Variants in SPTAN1 observed in about 807,000 individuals in gnomAD.
SPTAN1 encodes spectrin alpha chain, non-erythrocytic 1.
Under a neutral mutation model 331.3 loss-of-function variants are expected in SPTAN1, and 61 were observed. The ratio of observed to expected loss-of-function variants is 0.18; its 90% CI spans 0.15 to 0.23. The LOEUF is 0.23. SPTAN1 is among the 10% of genes least tolerant of loss of function. The pLI, the probability that SPTAN1 is intolerant of heterozygous loss-of-function variation, is 1.00. For missense variants in SPTAN1, 2,043 were observed against 3,147.9 expected, an observed-to-expected ratio of 0.65 and a Z score of 8.40; for synonymous variants, 1,153 against 1,173.9, an observed-to-expected ratio of 0.98 and a Z score of 0.36.
intron 1 of SPTAN1, among the ~76,000 whole-genome samples, chr9:128,555,624 T>TCCG (rs1848550444): frequency 4.7e-5 from 1 of 21,280 alleles, no homozygotes; most frequent in African/African-American, 8.1e-5. Flanking sequence ...CAAAGCCTTT[T>TCCG]TTTTTTTTTT....
chr9:128,624,685 T>C (rs1858464759), intron 46 of SPTAN1, 198 bp downstream of exon 46: 1 of 650,576 alleles, frequency 1.5e-6, no homozygotes, highest in African/African-American at 1.8e-5. Flanking sequence ...GGAACTGGGC[T>C]GGCACCAGGG....
At position 128,625,034 on chromosome 9, in the gene SPTAN1, T is replaced by G. The variant is rs1446319395; in HGVS notation, c.5993-69T>G. 3 of 1,464,084 alleles carry G rather than the reference T, an allele frequency of 2.0e-6. No homozygotes were observed. The highest frequency in any genetic ancestry group is 2.9e-6 in the Non-Finnish European group (3 of 1,044,162). 90.7% of individuals were successfully genotyped at this position (1,464,084 alleles called of 1,614,324 possible). ...ACACAAAAAATGGTTTGTCTGGGTT[T>G]TGATGTTTTTCCTTTCTAATCCATC... is the stretch of plus-strand genomic sequence containing the variant. On this transcript the variant is annotated intron_variant, in intron 46 of 56. Coordinates refer to ENST00000372739, the MANE Select transcript of SPTAN1 (RefSeq NM_001130438.3). The surrounding 1 kb of genome is among the most constrained non-coding windows in gnomAD (Gnocchi z 4.1).
In SPTAN1 at chr9:128,574,700, A is replaced by G; in HGVS notation, c.389A>G (p.Gln130Arg). 6.2e-7 allele frequency: 1 copy of G among 1,614,234 alleles called. No individual in the cohort carries two copies. Among genetic ancestry groups the G allele is most frequent in the East Asian group, 2.2e-5 (1 of 44,894 alleles). Residue 130 changes from glutamine (Q) to arginine (R), a missense_variant, in exon 4 of 57, where the codon CAG becomes CGG. Gln to Arg is a conservative substitution (Grantham distance 43). Transcript: ENST00000372739. ...ACCCGTTTGATGGAGCTGCACCGCC[A>G]GTGGGAATTACTTTTGGAGAAGATG... ...IRTRLMELHRQWELLLEKMRE... is the reference protein window; with the variant it reads ...IRTRLMELHRRWELLLEKMRE...
chr9:128,591,658 G>T (rs1322784639), intron 22 of SPTAN1, 33 bp downstream of exon 22: 8 of 1,612,320 alleles, frequency 5.0e-6, no homozygotes, highest in Non-Finnish European at 6.8e-6. Context: ...CAAGGGCTAG[G>T]CGTCCCATAG....
chr9:128,627,938 G>C lies in SPTAN1; in HGVS notation c.6703G>C (p.Asp2235His). The change falls in exon 51 of 57, where the codon GAT (aspartate) becomes CAT (histidine). Residue 2235 changes from aspartate to histidine, a missense_variant. This residue lies in a region of SPTAN1 where 256 missense variants were observed against 376.4 expected (regional missense o/e 0.68). Transcript: ENST00000372739. This position sits in a 1 kb window ranked among gnomAD's most constrained non-coding sequence, Gnocchi z 4.9. ...WIQETRTYLL[D>H]GSCMVEESGT... ...TGCTCTCCACAGGACATACCTCCTC[G>C]ATGGGTTAATATTGTTTTCTTCCTT... 1.2e-6 allele frequency: 2 copies of C among 1,614,132 alleles called. No homozygotes were observed. Among genetic ancestry groups the C allele is most frequent in the Non-Finnish European group, 1.7e-6 (2 of 1,180,014 alleles).
chr9:128,593,376 A>G (rs1853791981), intron 23 of SPTAN1: 2 of 374,048 alleles, frequency 5.3e-6, no homozygotes, highest in South Asian at 5.8e-5. Flanking sequence ...GAAGGAAATC[A>G]TATGCTTCTC....
chr9:128,573,989 G>A (rs1452950083), intron 3 of SPTAN1, among the ~76,000 whole-genome samples: 1 of 151,600 alleles, frequency 6.6e-6, no homozygotes, highest in East Asian at 1.9e-4. Flanking sequence ...TCCTGACCTC[G>A]TGCTCTGCCC....
intron 24 of SPTAN1, chr9:128,595,819 T>G (rs1854197773): frequency 6.6e-6 from 1 of 152,160 alleles, no homozygotes; most frequent in South Asian, 2.1e-4. Flanking sequence ...TTTTTGTGAC[T>G]GGCTTCTTTT....
At chr9:128,604,283 AGG>A in intron 28 of SPTAN1, 41 bp from the exon 29 acceptor site, 1 of 1,590,268 alleles carries the variant, frequency 6.3e-7, no homozygotes, top group Non-Finnish European at 8.6e-7. Flanking sequence ...GGGGCATGAC[AGG>A]AGAGGGAGTG....
intron 1 of SPTAN1, 57 bp from the exon 2 acceptor site, chr9:128,566,681 C>G: frequency 6.2e-7 from 1 of 1,612,436 alleles, no homozygotes; most frequent in Non-Finnish European, 8.5e-7. Flanking sequence ...AGGCTAATTA[C>G]TTTTCATCTA....
At chr9:128,567,129 TAGTG>T (rs1280169528) in intron 2 of SPTAN1, 152 bp downstream of exon 2, 4 of 1,157,536 alleles carry the variant, frequency 3.5e-6, no homozygotes, top group African/African-American at 3.1e-5. Flanking sequence ...TTTCCTGTAT[TAGTG>T]AGGGTGAATG....
rs772463904 is a variant in SPTAN1, at chr9:128,632,630, C to T, written c.7072C>T (p.Arg2358Cys). 5.6e-6 allele frequency: 9 copies of T among 1,614,056 alleles called. No individual in the cohort carries two copies. Among genetic ancestry groups the T allele is most frequent in the Non-Finnish European group, 7.6e-6 (9 of 1,180,026 alleles). Residue 2358 changes from arginine (R) to cysteine (C), a missense_variant, in exon 55 of 57, where the codon CGC becomes TGC. By Grantham distance (180) the Arg-to-Cys change is radical (BLOSUM62 -3). Transcript: ENST00000372739. ...CCATCAGGAGTTCAAATCTTGCCTG[C>T]GCTCCCTGGGCTATGACCTGCCCAT... Reference protein sequence around the residue: ...LNHQEFKSCLRSLGYDLPMVE... With the variant: ...LNHQEFKSCLCSLGYDLPMVE...
In SPTAN1 at chr9:128,633,033, G is replaced by T. The variant is rs562907376; in HGVS notation, c.7308+78G>T. On this transcript the variant is annotated intron_variant, in intron 56 of 56. Transcript: ENST00000372739. ...AATTTGTGGCAGAGCTGAGTCTGGG[G>T]TAACAGGCCCTGCGCTGGGTATTCT... 7.6e-5 allele frequency: 121 copies of T among 1,600,076 alleles called. 2 individuals are homozygous for T. In the South Asian group the frequency reaches 1.3e-3, roughly 17 times the overall value.
At chr9:128,579,458 A>G (rs1851687909) in intron 9 of SPTAN1, among the ~76,000 whole-genome samples, 179 bp from the exon 10 acceptor site, 1 of 152,142 alleles carries the variant, frequency 6.6e-6, no homozygotes, top group African/African-American at 2.4e-5. Context: ...AGTGAGTGAT[A>G]CTCTCACATT....
intron 40 of SPTAN1, 136 bp downstream of exon 40, chr9:128,613,621 A>G: frequency 1.4e-6 from 1 of 727,106 alleles, no homozygotes; most frequent in South Asian, 1.6e-5. Flanking sequence ...TTGTGGCCTC[A>G]GGATCATTAT....
Position 128,588,800 on chromosome 9 carries a change from G to A in SPTAN1, c.2872-9G>A, listed in dbSNP as rs1373756238. On this transcript the variant is annotated splice_polypyrimidine_tract_variant and intron_variant, in intron 20 of 56. Transcript: ENST00000372739. ...TTTTACCATGTTTGCCCTTCCTTTGGATTTTTAGCAACAAGTGGCCCCCAC... is the reference window on the plus strand; with the variant it reads ...TTTTACCATGTTTGCCCTTCCTTTGAATTTTTAGCAACAAGTGGCCCCCAC... 1 of 1,613,936 alleles carries A rather than the reference G, an allele frequency of 6.2e-7. No individual in the cohort carries two copies. The highest frequency in any genetic ancestry group is 8.5e-7 in the Non-Finnish European group (1 of 1,180,024).
At chr9:128,583,694 G>A (rs1852221337) in intron 15 of SPTAN1, 94 bp from the exon 16 acceptor site, 1 of 1,336,882 alleles carries the variant, frequency 7.5e-7, no homozygotes, top group Non-Finnish European at 1.1e-6. Context: ...ATTCTGACCT[G>A]TATAGTCCTT....
At chr9:128,604,977 C>G in intron 29 of SPTAN1, 57 bp from the exon 30 acceptor site, 1 of 1,595,236 alleles carries the variant, frequency 6.3e-7, no homozygotes, top group Non-Finnish European at 8.6e-7. Context: ...TTTTAGTGTC[C>G]TGTAATCAAG....
chr9:128,588,630 A>T (rs1365151904), intron 20 of SPTAN1, among the ~76,000 whole-genome samples, 179 bp from the exon 21 acceptor site: 1 of 151,892 alleles, frequency 6.6e-6, no homozygotes, highest in Non-Finnish European at 1.5e-5. Flanking sequence ...TTTTTTTTTT[A>T]AAGATACCAA....
Sources: allele counts gnomAD v4.1 joint callset (sites outside exome capture counted in the v4.1 genomes callset), GRCh38; gene constraint gnomAD v4.1.1; regional missense constraint gnomAD v4.1.1; non-coding constraint Gnocchi (gnomAD v3.1); transcripts MANE v1.5; gene names NCBI Gene and HGNC (gene_info 2026-07-23, HGNC 2026-07-21).